SIL1: variants seen among roughly 807,000 people sequenced by gnomAD.
SIL1 encodes the protein SIL1 nucleotide exchange factor, also known as nucleotide exchange factor SIL1.
In SIL1, 40 loss-of-function variants were observed where a neutral mutation model predicts 49.1. The ratio of observed to expected loss-of-function variants is 0.81; its 90% confidence interval spans 0.63 to 1.06. SIL1 has a LOEUF of 1.06. Among genes scored for constraint, SIL1 ranks in the 50% least tolerant of loss-of-function variants. The pLI is 0.00. For missense variants in SIL1, 500 were observed against 572.6 expected (o/e 0.87, Z 1.29); for synonymous variants, 253 against 250.8 (o/e 1.01, Z -0.08).
chr5:139,167,151 C>T (rs557397494), intron 1 of SIL1, among the ~76,000 whole-genome samples: 43 of 151,988 alleles, frequency 2.8e-4, no homozygotes, highest in African/African-American at 1.0e-3. Flanking sequence ...AACACGGTTT[C>T]GCCATGTTGC....
At chr5:138,980,238 C>T (rs985003257) in intron 7 of SIL1, among the ~76,000 whole-genome samples, 4 of 151,840 alleles carry the variant, frequency 2.6e-5, no homozygotes, top group Non-Finnish European at 5.9e-5. Flanking sequence ...TTGCCAAGAA[C>T]AATGAAATAA....
At chr5:138,956,987 C>T (rs1298758308) in intron 7 of SIL1, among the ~76,000 whole-genome samples, 3 of 152,044 alleles carry the variant, frequency 2.0e-5, no homozygotes, top group African/African-American at 7.2e-5. Flanking sequence ...CCTTCATGTA[C>T]AGCCCCCAAC....
chr5:139,177,248 A>ATT (rs1441259032), intron 1 of SIL1, among the ~76,000 whole-genome samples: 1 of 144,336 alleles, frequency 6.9e-6, no homozygotes, highest in Non-Finnish European at 1.5e-5. Context: ...TTATTTATTT[A>ATT]TTTATTTATT....
chr5:139,110,000 C>G (rs1285295148), intron 3 of SIL1, among the ~76,000 whole-genome samples: 1 of 151,802 alleles, frequency 6.6e-6, no homozygotes, highest in Non-Finnish European at 1.5e-5. Context: ...GAAACCCCGT[C>G]TCTACTAAAA....
At chr5:139,197,804 A>G (rs905905433) in intron 1 of SIL1, among the ~76,000 whole-genome samples, 2 of 152,204 alleles carry the variant, frequency 1.3e-5, no homozygotes, top group African/African-American at 4.8e-5. Flanking sequence ...GAGAGATAAC[A>G]CTAACCAGTC....
At chr5:139,016,980 T>C (rs1041750517) in intron 7 of SIL1, 9 of 152,250 alleles carry the variant, frequency 5.9e-5, no homozygotes, top group Non-Finnish European at 1.0e-4. Context: ...TCGAGTAGCA[T>C]AGCTGGGACC....
At chr5:139,196,408 A>G (rs1752274880) in intron 1 of SIL1, 1 of 152,212 alleles carries the variant, frequency 6.6e-6, no homozygotes, top group East Asian at 1.9e-4. Context: ...TCAAGTTCCC[A>G]CATGTCAGTT....
At chr5:139,010,712 A>G (rs1364714417) in intron 7 of SIL1, among the ~76,000 whole-genome samples, 17 of 150,852 alleles carry the variant, frequency 1.1e-4, no homozygotes, top group Non-Finnish European at 1.8e-4. Flanking sequence ...GTCTGTTGGA[A>G]TACCCTGCCG....
chr5:139,193,804 C>T (rs1246363183), intron 1 of SIL1, among the ~76,000 whole-genome samples: 1 of 152,178 alleles, frequency 6.6e-6, no homozygotes, highest in African/African-American at 2.4e-5. Flanking sequence ...GGATATCCCT[C>T]TGTCCTGGGA....
At chr5:139,090,643 G>A (rs929439892) in intron 3 of SIL1, among the ~76,000 whole-genome samples, 26 of 152,112 alleles carry the variant, frequency 1.7e-4, no homozygotes, top group African/African-American at 5.8e-4. Flanking sequence ...ACAGGGTCTC[G>A]CTCTGTCGGC....
intron 1 of SIL1, among the ~76,000 whole-genome samples, chr5:139,129,730 T>C (rs1437999577): frequency 1.3e-5 from 2 of 152,054 alleles, no homozygotes; most frequent in African/African-American, 4.8e-5. Flanking sequence ...AAAAACTAAC[T>C]AGAAATGAAT....
At chr5:139,055,449 T>C (rs1234062424) in intron 3 of SIL1, among the ~76,000 whole-genome samples, 1 of 152,148 alleles carries the variant, frequency 6.6e-6, no homozygotes, top group Non-Finnish European at 1.5e-5. Flanking sequence ...AGAGTGTGCC[T>C]TCTCACACCT....
intron 7 of SIL1, 74 bp from the exon 8 acceptor site, chr5:138,951,958 T>A: frequency 7.7e-7 from 1 of 1,296,376 alleles, no homozygotes; most frequent in Non-Finnish European, 1.1e-6. Context: ...ACTGAGCCCA[T>A]GTCAGCCATC....
intron 1 of SIL1, among the ~76,000 whole-genome samples, chr5:139,154,632 A>C (rs1751372713): frequency 6.6e-6 from 1 of 152,162 alleles, no homozygotes; most frequent in South Asian, 2.1e-4. Context: ...CGGTGTAAAA[A>C]ATATTTTGCA....
intron 7 of SIL1, among the ~76,000 whole-genome samples, chr5:138,991,761 C>A (rs1442047154): frequency 1.3e-5 from 2 of 152,204 alleles, no homozygotes; most frequent in African/African-American, 4.8e-5. Context: ...AACAAACAAA[C>A]ACTCAAAAGT....
intron 3 of SIL1, among the ~76,000 whole-genome samples, chr5:139,059,083 TAGAC>T (rs1160997983): frequency 6.6e-6 from 1 of 152,110 alleles, no homozygotes; most frequent in South Asian, 2.1e-4. Context: ...CACACACACA[TAGAC>T]ATACATACAT....
intron 3 of SIL1, among the ~76,000 whole-genome samples, chr5:139,062,592 T>C (rs780227000): frequency 6.6e-6 from 1 of 152,108 alleles, no homozygotes; most frequent in Non-Finnish European, 1.5e-5. Flanking sequence ...CATGTCTCCT[T>C]TCCAGTCCTC....
intron 5 of SIL1, chr5:139,034,248 T>C (rs1286796013): frequency 6.6e-6 from 1 of 152,156 alleles, no homozygotes; most frequent in Non-Finnish European, 1.5e-5. Flanking sequence ...GAAATTCATT[T>C]AAAATTCATT....
At position 139,108,428 on chromosome 5, in the gene SIL1, T is replaced by A. The variant is rs138814748; in HGVS notation, c.244+12607A>T. Among the ~76,000 whole-genome samples, 7 of 152,274 alleles carry A rather than the reference T, an allele frequency of 4.6e-5. No individual in the cohort carries two copies. In the East Asian group the frequency reaches 1.2e-3, roughly 25 times the overall value. Reference sequence around the variant, plus strand: ...CCATGTTATGCCCAGAAATATCCAATGATGGGCAACACAAACGGACACCTT... The same window carrying A: ...CCATGTTATGCCCAGAAATATCCAAAGATGGGCAACACAAACGGACACCTT... On this transcript the variant is annotated intron_variant, in intron 3 of 9. Transcript: ENST00000394817.
Sources: gnomAD v4.1 joint callset for allele counts (sites outside exome capture counted in the v4.1 genomes callset) on GRCh38, gnomAD v4.1.1 for gene constraint, MANE v1.5 for transcripts, NCBI Gene and HGNC (gene_info 2026-07-23, HGNC 2026-07-21) for gene names.